Variants in LAMA2 observed in about 807,000 individuals in gnomAD.
LAMA2 encodes laminin subunit alpha 2.
In LAMA2, 269 loss-of-function variants were observed where a neutral mutation model predicts 364.8. That is an observed-to-expected ratio of 0.74 (90% CI 0.67 to 0.82). The LOEUF (loss-of-function observed/expected upper bound fraction) is 0.82. Among genes scored for constraint, LAMA2 ranks in the 40% least tolerant of loss-of-function variants. The pLI is 0.00. For synonymous variants in LAMA2, 1,379 were observed against 1,370.6 expected (o/e 1.01, Z -0.14); for missense variants, 3,807 against 3,873.2 (o/e 0.98, Z 0.45).
intron 56 of LAMA2, among the ~76,000 whole-genome samples, chr6:129,487,324 C>T (rs561273757): frequency 6.6e-6 from 1 of 152,232 alleles, no homozygotes; most frequent in East Asian, 1.9e-4. Flanking sequence ...TTTATACTTA[C>T]TTTATTAGGA....
intron 53 of LAMA2, among the ~76,000 whole-genome samples, chr6:129,477,518 T>C (rs1784127753): frequency 6.6e-6 from 1 of 152,116 alleles, no homozygotes; most frequent in Admixed American, 6.5e-5. Context: ...GAACACTGAG[T>C]CTTGGAGAAC....
At chr6:129,246,654 A>G (rs540377599) in intron 12 of LAMA2, among the ~76,000 whole-genome samples, 7 of 152,296 alleles carry the variant, frequency 4.6e-5, no homozygotes, top group African/African-American at 1.7e-4. Context: ...CCTATCAAAA[A>G]AACTGAAGTC....
intron 3 of LAMA2, among the ~76,000 whole-genome samples, chr6:129,068,540 T>C (rs1773090507): frequency 6.6e-6 from 1 of 152,210 alleles, no homozygotes; most frequent in South Asian, 2.1e-4. Context: ...ATTCCATTCT[T>C]GGGGGCTCTG....
chr6:129,432,814 T>C (rs1781662520), intron 41 of LAMA2, among the ~76,000 whole-genome samples: 1 of 152,188 alleles, frequency 6.6e-6, no homozygotes, highest in Non-Finnish European at 1.5e-5. Flanking sequence ...CAGAGGGGAC[T>C]CCCTTTTATC....
chr6:129,353,252 C>A lies in LAMA2; in HGVS notation c.4612C>A (p.Pro1538Thr). The A allele has an allele frequency of 6.2e-7, 1 of 1,613,914 alleles. No homozygotes were observed. Among genetic ancestry groups the A allele is most frequent in the Non-Finnish European group, 8.5e-7 (1 of 1,179,810 alleles). ...ECDPYGSLPV[P>T]CDPVTGFCTC... ...TGATCCCTATGGCTCACTGCCTGTGCCCTGTGACCCTGTCACAGGATTCTG... is the reference window on the plus strand; with the variant it reads ...TGATCCCTATGGCTCACTGCCTGTGACCTGTGACCCTGTCACAGGATTCTG... Residue 1538 changes from proline (P) to threonine (T), a missense_variant, in exon 32 of 65, where the codon CCC (proline) becomes ACC (threonine). Pro to Thr is a conservative substitution (Grantham distance 38, BLOSUM62 -1). Around this residue, in one of 3 missense-constraint regions of LAMA2, gnomAD observed 3,333 missense variants for 3,345.7 expected, o/e 1.00. Transcript: ENST00000421865.
intron 29 of LAMA2, among the ~76,000 whole-genome samples, chr6:129,337,582 A>G (rs1280393186): frequency 6.6e-6 from 1 of 152,168 alleles, no homozygotes; most frequent in Non-Finnish European, 1.5e-5. Context: ...CATGCATTTA[A>G]TGATATCTCA....
In LAMA2 at chr6:129,349,494, T is replaced by C. The variant is rs1776741536; in HGVS notation, c.4523+110T>C. On this transcript the variant is annotated intron_variant, in intron 31 of 64. Transcript: ENST00000421865. ...GAAGAACTTCAATATTTGCATATCC[T>C]TTAGAAGTTTAAATTACAATGCTTT... is the stretch of plus-strand genomic sequence containing the variant. 5.6e-6 allele frequency: 5 copies of C among 892,310 alleles called. No individual in the cohort carries two copies. The East Asian group carries it at 1.2e-4, about 22-fold the overall frequency. The allele number at this position is 892,310 out of a possible 1,614,324, so 55.3% of individuals were successfully genotyped here.
chr6:129,260,101 G>A (rs186514498), intron 14 of LAMA2, among the ~76,000 whole-genome samples: 46 of 152,086 alleles, frequency 3.0e-4, no homozygotes, highest in Non-Finnish European at 6.3e-4. Flanking sequence ...TTGTACAAAA[G>A]TACCAATAAA....
intron 1 of LAMA2, among the ~76,000 whole-genome samples, chr6:128,895,384 G>T (rs1484001612): frequency 6.8e-6 from 1 of 148,144 alleles, no homozygotes; most frequent in Non-Finnish European, 1.5e-5. Flanking sequence ...TGTAATCCCA[G>T]CACTTTGGGA....
chr6:129,307,329 T>G (rs1004142047), intron 22 of LAMA2, among the ~76,000 whole-genome samples: 9 of 152,340 alleles, frequency 5.9e-5, no homozygotes, highest in East Asian at 3.9e-4. Flanking sequence ...CAATGCCATT[T>G]TCCTTCATCC....
At chr6:128,968,203 A>C (rs568167877) in intron 1 of LAMA2, among the ~76,000 whole-genome samples, 1 of 152,282 alleles carries the variant, frequency 6.6e-6, no homozygotes, top group South Asian at 2.1e-4. Context: ...CTGTAGATGT[A>C]CTCATGCCCT....
At chr6:129,033,895 G>GGT (rs879277991) in intron 1 of LAMA2, among the ~76,000 whole-genome samples, 17 of 147,258 alleles carry the variant, frequency 1.2e-4, no homozygotes, top group South Asian at 4.3e-4. Flanking sequence ...CCAGCTATGG[G>GGT]TTTTTTTTTT....
chr6:129,223,604 A>T (rs1017384811), intron 12 of LAMA2, among the ~76,000 whole-genome samples: 53 of 152,148 alleles, frequency 3.5e-4, no homozygotes, highest in African/African-American at 1.2e-3. Context: ...TAGGGAATCC[A>T]TTCCCCATTG....
chr6:129,227,404 G>A (rs959064638), intron 12 of LAMA2, among the ~76,000 whole-genome samples: 5 of 152,126 alleles, frequency 3.3e-5, no homozygotes, highest in African/African-American at 4.8e-5. Flanking sequence ...GAGGAGAGGC[G>A]CTCTGATTTT....
chr6:129,157,511 A>G lies in LAMA2; in HGVS notation c.1206+2828A>G, dbSNP rs1427651406. ...CTTGCAGTCTAGAGTTTCTCCTCCGATGGTTTAACCGTCAGATTTTTACAT... is the reference window on the plus strand; with the variant it reads ...CTTGCAGTCTAGAGTTTCTCCTCCGGTGGTTTAACCGTCAGATTTTTACAT... On this transcript the variant is annotated intron_variant, in intron 8 of 64. Coordinates refer to ENST00000421865, the MANE Select transcript of LAMA2 (RefSeq NM_000426.4). The G allele has an allele frequency of 3.1e-6, 5 of 1,611,684 alleles. No homozygotes were observed. The African/African-American group carries it at 4.0e-5, about 13-fold the overall frequency.
intron 1 of LAMA2, among the ~76,000 whole-genome samples, chr6:128,953,926 A>G (rs1390771875): frequency 6.6e-6 from 1 of 152,164 alleles, no homozygotes; most frequent in Non-Finnish European, 1.5e-5. Flanking sequence ...GAGTCCTTTA[A>G]ATGTTGAGTT....
chr6:129,445,729 C>T lies in LAMA2; in HGVS notation c.6337C>T (p.Leu2113Phe), dbSNP rs1389550406. The T allele has an allele frequency of 1.2e-6, 2 of 1,613,752 alleles. No individual in the cohort carries two copies. Among genetic ancestry groups the T allele is most frequent in the African/African-American group, 1.3e-5 (1 of 75,044 alleles). The change falls in exon 45 of 65, where the codon CTC becomes TTC. Residue 2113 changes from leucine to phenylalanine, a missense_variant. Leu to Phe is a conservative substitution (Grantham distance 22). Coordinates refer to ENST00000421865, the MANE Select transcript of LAMA2 (RefSeq NM_000426.4). ...EQEADRLIDK[L>F]KPIKELEDNL... The stretch of plus-strand genomic sequence containing the variant: ...GGAAGCTGACCGGCTAATAGATAAA[C>T]TCAAACCCATCAAGGAACTTGAGGA...
chr6:129,234,687 T>C (rs951202117), intron 12 of LAMA2, among the ~76,000 whole-genome samples: 14 of 152,204 alleles, frequency 9.2e-5, no homozygotes, highest in Admixed American at 7.2e-4. Context: ...GCCATATTGA[T>C]GCTAGTAAGT....
intron 1 of LAMA2, among the ~76,000 whole-genome samples, chr6:128,973,504 ACT>A (rs1344848530): frequency 6.6e-6 from 1 of 152,006 alleles, no homozygotes; most frequent in Non-Finnish European, 1.5e-5. Flanking sequence ...ACCTTTAAAA[ACT>A]CTACTGGTGA....
Sources: gnomAD v4.1 joint callset for allele counts (sites outside exome capture counted in the v4.1 genomes callset) on GRCh38, gnomAD v4.1.1 for gene constraint, gnomAD v4.1.1 regional missense constraint, MANE v1.5 for transcripts, NCBI Gene and HGNC (gene_info 2026-07-23, HGNC 2026-07-21) for gene names.